Variants in SYNE2 observed in about 807,000 individuals in gnomAD.
SYNE2 encodes nesprin-2.
In SYNE2, 431 loss-of-function variants were observed where a neutral mutation model predicts 856.3. The ratio of observed to expected loss-of-function variants is 0.50; its 90% CI spans 0.47 to 0.55. The LOEUF (loss-of-function observed/expected upper bound fraction) is 0.55, where lower values mean the gene tolerates loss of function less well. Among genes scored for constraint, SYNE2 ranks in the 20% least tolerant of loss-of-function variants. SYNE2 has a pLI of 0.00. For missense variants in SYNE2, 8,129 were observed against 8,023.2 expected (o/e 1.01, Z -0.50); for synonymous variants, 2,923 against 2,872.3 (o/e 1.02, Z -0.56).
At chr14:64,017,525 T>C in intron 33 of SYNE2, 70 bp from the exon 34 acceptor site, 3 of 1,284,230 alleles carry the variant, frequency 2.3e-6, no homozygotes, top group Non-Finnish European at 2.2e-6. Flanking sequence ...TAAAACAGTG[T>C]TTGGCTGAAA....
intron 1 of SYNE2, among the ~76,000 whole-genome samples, chr14:63,784,487 A>T (rs767025749): frequency 1.6e-5 from 2 of 126,966 alleles, no homozygotes; most frequent in Non-Finnish European, 3.3e-5. Flanking sequence ...ACAGAGTGAT[A>T]CTCCATCTCA....
intron 9 of SYNE2, among the ~76,000 whole-genome samples, chr14:63,963,506 G>A (rs1039408088): frequency 6.6e-6 from 1 of 152,122 alleles, no homozygotes; most frequent in Non-Finnish European, 1.5e-5. Flanking sequence ...GTTATTTTTA[G>A]GCTCTCGAAA....
intron 49 of SYNE2, among the ~76,000 whole-genome samples, chr14:64,058,101 TGCAAAA>T (rs1026496428): frequency 6.6e-6 from 1 of 152,246 alleles, no homozygotes; most frequent in African/African-American, 2.4e-5. Flanking sequence ...TCCTTTGCTG[TGCAAAA>T]GCTTTTTAAC....
At chr14:63,831,579 GGGA>G (rs1889670858) in intron 1 of SYNE2, among the ~76,000 whole-genome samples, 1 of 107,626 alleles carries the variant, frequency 9.3e-6, no homozygotes. Context: ...TTTTTGAGAT[GGGA>G]TCTCACTCTG....
chr14:63,938,757 A>G (rs1457320496), intron 2 of SYNE2, among the ~76,000 whole-genome samples: 1 of 152,066 alleles, frequency 6.6e-6, no homozygotes, highest in African/African-American at 2.4e-5. Flanking sequence ...TCAACACCAG[A>G]GAGGGTATTG....
At chr14:64,032,309 T>C (rs900592068) in intron 45 of SYNE2, among the ~76,000 whole-genome samples, 1 of 152,238 alleles carries the variant, frequency 6.6e-6, no homozygotes, top group East Asian at 1.9e-4. Context: ...GCATGGTGGC[T>C]CACATCTGTA....
chr14:64,025,303 G>A lies in SYNE2; in HGVS notation c.6134G>A (p.Ser2045Asn). 6.2e-7 allele frequency: 1 copy of A among 1,614,138 alleles called. No homozygotes were observed. The highest frequency in any genetic ancestry group is 8.5e-7 in the Non-Finnish European group (1 of 1,180,010). Residue 2045 changes from serine (S) to asparagine (N), a missense_variant, in exon 41 of 116, where the codon AGC becomes AAC. Coordinates refer to ENST00000555002, the MANE Select transcript of SYNE2 (RefSeq NM_182914.3). ...AAGTTACTACCCACAGAGGACCAGA[G>A]CTTTAATGATCTTGCACATGATGTA... is the stretch of plus-strand genomic sequence containing the variant. Reference protein sequence around the residue: ...EDKLLPTEDQSFNDLAHDVIH... With the variant: ...EDKLLPTEDQNFNDLAHDVIH...
chr14:63,762,483 C>T (rs1886522130), intron 1 of SYNE2, among the ~76,000 whole-genome samples: 1 of 139,336 alleles, frequency 7.2e-6, no homozygotes, highest in Non-Finnish European at 1.5e-5. Flanking sequence ...AAAGAAAAAA[C>T]TATCAAGAAC....
Position 64,074,002 on chromosome 14 carries a change from G to T in SYNE2, c.10732G>T (p.Val3578Leu), listed in dbSNP as rs756720955. 1.9e-6 allele frequency: 3 copies of T among 1,614,030 alleles called. No homozygotes were observed. Among genetic ancestry groups the T allele is most frequent in the Non-Finnish European group, 2.5e-6 (3 of 1,180,028 alleles). Residue 3578 changes from valine (V) to leucine (L), a missense_variant, in exon 53 of 116, where the codon GTG becomes TTG. Val to Leu is a conservative substitution (Grantham distance 32). Around this residue, in one of 3 missense-constraint regions of SYNE2, gnomAD observed 5,410 missense variants for 5,284.8 expected, o/e 1.02. Coordinates refer to ENST00000555002, the MANE Select transcript of SYNE2 (RefSeq NM_182914.3). ...GAAAGTTCAGAAAAATAAAGAATTG[G>T]TGCAGACTGAAATCCAAGAAAGACA... ...LQKVQKNKEL[V>L]QTEIQERHSF...
intron 1 of SYNE2, among the ~76,000 whole-genome samples, chr14:63,898,846 T>A (rs2095296736): frequency 6.6e-6 from 1 of 152,242 alleles, no homozygotes; most frequent in African/African-American, 2.4e-5. Context: ...AGTTTTCTTT[T>A]AAAACTTTGT....
At position 63,811,265 on chromosome 14, in the gene SYNE2, A is replaced by AT. The variant is rs111386748; in HGVS notation, c.-304-41228dup. On this transcript the variant is annotated intron_variant, in intron 1 of 23. Coordinates refer to the SYNE2 transcript ENST00000674003. The stretch of plus-strand genomic sequence containing the variant: ...CCAAGGCTTTGACTGTATTATTATT[A>AT]TTTTTTTTGATTCAGGGTCTTGCTC... Among the ~76,000 whole-genome samples, 127 of 150,084 alleles carry AT rather than the reference A, an allele frequency of 8.5e-4. 1 individual carries two copies. The highest frequency in any genetic ancestry group is 2.7e-3 in the African/African-American group (112 of 40,872).
intron 11 of SYNE2, among the ~76,000 whole-genome samples, chr14:63,968,779 T>C (rs2096432810): frequency 6.6e-6 from 1 of 152,236 alleles, no homozygotes; most frequent in Non-Finnish European, 1.5e-5. Flanking sequence ...CAATGTGAAA[T>C]AAACACATCT....
chr14:63,870,028 C>T (rs917757199), intron 1 of SYNE2, among the ~76,000 whole-genome samples: 16 of 152,294 alleles, frequency 1.1e-4, no homozygotes, highest in Middle Eastern at 3.4e-3. Flanking sequence ...CTCTCTAATA[C>T]ATCTTTCAAA....
intron 41 of SYNE2, among the ~76,000 whole-genome samples, 172 bp from the exon 42 acceptor site, chr14:64,026,407 A>G (rs1034152366): frequency 2.6e-5 from 4 of 152,220 alleles, no homozygotes; most frequent in African/African-American, 7.2e-5. Flanking sequence ...AGAACTATAT[A>G]TAATGTGAAG....
intron 1 of SYNE2, among the ~76,000 whole-genome samples, chr14:63,831,173 G>A (rs991828255): frequency 3.3e-5 from 5 of 151,892 alleles, no homozygotes; most frequent in East Asian, 1.9e-4. Flanking sequence ...CTATTTTGGC[G>A]ATGCTCTTGA....
At chr14:63,805,823 T>C (rs1888342477) in intron 1 of SYNE2, among the ~76,000 whole-genome samples, 2 of 152,256 alleles carry the variant, frequency 1.3e-5, no homozygotes, top group African/African-American at 2.4e-5. Context: ...TTTTTGTATA[T>C]TGATTTTGTA....
At chr14:64,075,721 G>C (rs2097453116) in intron 53 of SYNE2, 2 of 503,438 alleles carry the variant, frequency 4.0e-6, no homozygotes, top group African/African-American at 3.9e-5. Context: ...ATAATGGTGT[G>C]ACACTATGAA....
At chr14:63,918,558 G>A (rs149344453) in intron 2 of SYNE2, among the ~76,000 whole-genome samples, 4 of 152,316 alleles carry the variant, frequency 2.6e-5, no homozygotes, top group African/African-American at 9.6e-5. Context: ...GGAGAGAGAC[G>A]TCAGATGCCG....
intron 61 of SYNE2, among the ~76,000 whole-genome samples, chr14:64,095,609 C>T (rs1227060733): frequency 3.3e-5 from 5 of 151,846 alleles, no homozygotes; most frequent in African/African-American, 7.3e-5. Flanking sequence ...CTTTTTTTCA[C>T]GTAAAAATAG....
Sources: allele counts gnomAD v4.1 joint callset (sites outside exome capture counted in the v4.1 genomes callset), GRCh38; gene constraint gnomAD v4.1.1; regional missense constraint gnomAD v4.1.1; transcripts MANE v1.5; gene names NCBI Gene and HGNC (gene_info 2026-07-23, HGNC 2026-07-21).